SHISA9: variants seen among roughly 807,000 people sequenced by gnomAD.
SHISA9 encodes the protein shisa family member 9, also known as protein shisa-9.
In SHISA9, 13 loss-of-function variants were observed where a neutral mutation model predicts 38.0. The ratio of observed to expected loss-of-function variants is 0.34; its 90% CI spans 0.22 to 0.54. The LOEUF (loss-of-function observed/expected upper bound fraction) is 0.54. Among genes scored for constraint, SHISA9 ranks in the 20% least tolerant of loss-of-function variants. SHISA9 has a pLI of 0.91. For synonymous variants in SHISA9, 275 were observed against 242.0 expected, an observed-to-expected ratio of 1.14 and a Z score of -1.27; for missense variants, 538 against 575.8, an observed-to-expected ratio of 0.93 and a Z score of 0.67.
chr16:13,508,562 G>A, the SHISA9 span, among the ~76,000 whole-genome samples: 23 of 152,044 alleles, frequency 1.5e-4, no homozygotes, highest in Admixed American at 1.3e-3. Flanking sequence ...TTCCAATAGC[G>A]TTGCCAGCAT....
chr16:13,084,049 C>T (rs899752662), intron 2 of SHISA9, among the ~76,000 whole-genome samples: 3 of 151,904 alleles, frequency 2.0e-5, no homozygotes, highest in African/African-American at 7.3e-5. Flanking sequence ...AATGAGGAGG[C>T]AAATTTCTTG....
intron 2 of SHISA9, among the ~76,000 whole-genome samples, chr16:13,104,610 G>T (rs2073908902): frequency 1.3e-5 from 2 of 152,202 alleles, no homozygotes; most frequent in Non-Finnish European, 2.9e-5. Flanking sequence ...ATAGGCTCGT[G>T]TTGCAGAATT....
chr16:13,455,461 GA>G, the SHISA9 span, among the ~76,000 whole-genome samples: 1,187 of 152,190 alleles, frequency 7.8e-3, 11 homozygotes, highest in African/African-American at 0.027. Flanking sequence ...GGAGTCCAAA[GA>G]AAAAAAGTGA....
chr16:13,003,148 G>A (rs1245914350), intron 2 of SHISA9, among the ~76,000 whole-genome samples: 1 of 152,174 alleles, frequency 6.6e-6, no homozygotes, highest in Non-Finnish European at 1.5e-5. Context: ...CTGACACAGA[G>A]CGAGAGGAGG....
the SHISA9 span, among the ~76,000 whole-genome samples, chr16:13,259,394 G>T: frequency 6.6e-6 from 1 of 152,182 alleles, no homozygotes; most frequent in African/African-American, 2.4e-5. Context: ...GGCACATAGT[G>T]CAAGGTGTCA....
At chr16:13,172,094 C>A (rs903547036) in intron 2 of SHISA9, among the ~76,000 whole-genome samples, 1 of 152,008 alleles carries the variant, frequency 6.6e-6, no homozygotes, top group East Asian at 1.9e-4. Context: ...CTCTCTTCTG[C>A]CTTTATAAAA....
At chr16:13,260,267 T>G in the SHISA9 span, among the ~76,000 whole-genome samples, 1 of 151,928 alleles carries the variant, frequency 6.6e-6, no homozygotes, top group South Asian at 2.1e-4. Flanking sequence ...CTGCCTGCCT[T>G]GGCTTCCCAA....
At chr16:13,449,126 C>A in the SHISA9 span, among the ~76,000 whole-genome samples, 1 of 152,100 alleles carries the variant, frequency 6.6e-6, no homozygotes, top group Admixed American at 6.6e-5. Context: ...ATGAAGTTTA[C>A]AAAGAATTTG....
chr16:13,039,826 G>T (rs922455863), intron 2 of SHISA9, among the ~76,000 whole-genome samples: 11 of 152,128 alleles, frequency 7.2e-5, no homozygotes, highest in African/African-American at 2.7e-4. Context: ...CTCAGACCCG[G>T]CTTCAGACCC....
chr16:13,146,185 C>T (rs2050445962), intron 2 of SHISA9, among the ~76,000 whole-genome samples: 1 of 152,132 alleles, frequency 6.6e-6, no homozygotes, highest in African/African-American at 2.4e-5. Context: ...GTGAGTGAGA[C>T]TCCGTCTCAA....
chr16:13,197,104 T>TATACACACACACAC (rs748572860), intron 2 of SHISA9, among the ~76,000 whole-genome samples: 2,424 of 106,240 alleles, frequency 0.023, 33 homozygotes, highest in Non-Finnish European at 0.034. Context: ...TCTCTGTACA[T>TATACACACACACAC]ACACACACAC....
At chr16:13,367,712 G>GCGCGCGCGCGCA in the SHISA9 span, among the ~76,000 whole-genome samples, 1 of 104,640 alleles carries the variant, frequency 9.6e-6, no homozygotes, top group Admixed American at 9.5e-5. Context: ...GCGCGCGCGC[G>GCGCGCGCGCGCA]CACACACACA....
intron 2 of SHISA9, among the ~76,000 whole-genome samples, chr16:13,161,211 G>T (rs2050592322): frequency 6.6e-6 from 1 of 152,178 alleles, no homozygotes; most frequent in South Asian, 2.1e-4. Context: ...GTGGGAAATA[G>T]AATTGCCCAG....
At chr16:13,510,348 G>A in the SHISA9 span, among the ~76,000 whole-genome samples, 7 of 152,126 alleles carry the variant, frequency 4.6e-5, no homozygotes, top group African/African-American at 1.2e-4. Flanking sequence ...TCAGATAAGC[G>A]AAGTAATATT....
intron 2 of SHISA9, among the ~76,000 whole-genome samples, chr16:12,954,315 C>G (rs1375623346): frequency 6.6e-6 from 1 of 152,070 alleles, no homozygotes; most frequent in African/African-American, 2.4e-5. Context: ...CAAATGTGGG[C>G]AGAATTTAGA....
At chr16:13,218,645 A>G (rs1444729800) in intron 4 of SHISA9, among the ~76,000 whole-genome samples, 1 of 152,228 alleles carries the variant, frequency 6.6e-6, no homozygotes, top group Non-Finnish European at 1.5e-5. Context: ...GGAAAGAATG[A>G]TATTGCCTGC....
chr16:12,953,224 C>T (rs2071783443), intron 2 of SHISA9, among the ~76,000 whole-genome samples: 1 of 150,386 alleles, frequency 6.6e-6, no homozygotes, highest in Non-Finnish European at 1.5e-5. Context: ...ACAACAACAA[C>T]AACAACAACA....
the SHISA9 span, among the ~76,000 whole-genome samples, chr16:13,501,851 A>T: frequency 6.6e-6 from 1 of 152,102 alleles, no homozygotes; most frequent in Admixed American, 6.5e-5. Flanking sequence ...AAAATACAAA[A>T]ATTAGCTGGG....
At chr16:13,180,064 T>C (rs911077867) in intron 2 of SHISA9, among the ~76,000 whole-genome samples, 4 of 152,204 alleles carry the variant, frequency 2.6e-5, no homozygotes, top group African/African-American at 9.6e-5. Context: ...TTAACTAAGA[T>C]TGCCTGAGAA....
Sources: allele counts gnomAD v4.1 joint callset (sites outside exome capture counted in the v4.1 genomes callset), GRCh38; gene constraint gnomAD v4.1.1; transcripts MANE v1.5; gene names NCBI Gene and HGNC (gene_info 2026-07-23, HGNC 2026-07-21).